The following TJP2 variants were observed in gnomAD, a reference collection of about 807,000 sequenced individuals.
TJP2 encodes the protein Friedreich ataxia region gene X104 (tight junction protein ZO-2).
Under a neutral mutation model 133.1 loss-of-function variants are expected in TJP2, and 91 were observed. The ratio of observed to expected loss-of-function variants is 0.68; its 90% CI spans 0.58 to 0.81. The LOEUF is 0.81. Ranked by LOEUF, TJP2 falls within the 40% of genes least tolerant of loss-of-function variation. The pLI is 0.00. For synonymous variants in TJP2, 592 were observed against 583.4 expected (o/e 1.01, Z -0.21); for missense variants, 1,541 against 1,565.6 (o/e 0.98, Z 0.26).
At chr9:69,135,588 G>A (rs536944518) in intron 1 of TJP2, among the ~76,000 whole-genome samples, 1 of 150,310 alleles carries the variant, frequency 6.7e-6, no homozygotes, top group South Asian at 2.1e-4. Flanking sequence ...TTACAGGCAT[G>A]CACCACCACA....
At chr9:69,162,566 C>T (rs1040572195) in intron 2 of TJP2, among the ~76,000 whole-genome samples, 1 of 152,188 alleles carries the variant, frequency 6.6e-6, no homozygotes, top group Non-Finnish European at 1.5e-5. Flanking sequence ...AGTATTTATT[C>T]AGCCAATTAT....
At chr9:69,178,288 G>A in intron 1 of TJP2, among the ~76,000 whole-genome samples, 1 of 152,178 alleles carries the variant, frequency 6.6e-6, no homozygotes, top group Non-Finnish European at 1.5e-5. Flanking sequence ...TATGATGCAT[G>A]AATATTATAT....
chr9:69,210,116 G>A (rs1179224925), intron 1 of TJP2, among the ~76,000 whole-genome samples: 1 of 151,666 alleles, frequency 6.6e-6, no homozygotes, highest in Admixed American at 6.6e-5. Context: ...GTGAAACCGT[G>A]TCTCTACCAA....
chr9:69,189,230 G>C (rs1285674110), intron 1 of TJP2, among the ~76,000 whole-genome samples: 2 of 152,160 alleles, frequency 1.3e-5, no homozygotes, highest in African/African-American at 4.8e-5. Flanking sequence ...CAGCCTGGAG[G>C]AGGAGGACAC....
intron 11 of TJP2, among the ~76,000 whole-genome samples, chr9:69,230,999 C>A (rs1829732063): frequency 6.6e-6 from 1 of 152,054 alleles, no homozygotes; most frequent in African/African-American, 2.4e-5. Context: ...CTCAACTTGA[C>A]ATTTGTGTAT....
chr9:69,145,378 A>G (rs937795744), intron 1 of TJP2, among the ~76,000 whole-genome samples: 3 of 152,378 alleles, frequency 2.0e-5, no homozygotes, highest in Admixed American at 6.5e-5. Context: ...TTGAAGGATT[A>G]GCGGCCTCAA....
At chr9:69,164,537 A>C (rs1183655759) in intron 2 of TJP2, among the ~76,000 whole-genome samples, 1 of 152,230 alleles carries the variant, frequency 6.6e-6, no homozygotes, top group Non-Finnish European at 1.5e-5. Flanking sequence ...ATTTGAATCA[A>C]GGATTCTCTC....
At chr9:69,249,185 G>C in intron 19 of TJP2, 190 bp from the exon 20 acceptor site, 2 of 985,400 alleles carry the variant, frequency 2.0e-6, no homozygotes, top group Non-Finnish European at 2.4e-6. Flanking sequence ...CTCTACATTG[G>C]ATGCAGCCAG....
intron 2 of TJP2, among the ~76,000 whole-genome samples, chr9:69,215,544 C>G (rs1563918880): frequency 6.6e-6 from 1 of 152,020 alleles, no homozygotes; most frequent in Non-Finnish European, 1.5e-5. Flanking sequence ...ACCACCATGA[C>G]CAGCTATTTT....
chr9:69,189,376 C>T (rs1172187270), intron 1 of TJP2, among the ~76,000 whole-genome samples: 1 of 151,994 alleles, frequency 6.6e-6, no homozygotes, highest in Non-Finnish European at 1.5e-5. Flanking sequence ...TCCCCAGGAC[C>T]CAGAATTGAT....
chr9:69,202,958 G>T (rs1371949427), intron 1 of TJP2, among the ~76,000 whole-genome samples: 1 of 152,190 alleles, frequency 6.6e-6, no homozygotes, highest in Non-Finnish European at 1.5e-5. Context: ...ACTGCTGCTA[G>T]AAACTATGAC....
intron 2 of TJP2, among the ~76,000 whole-genome samples, chr9:69,158,350 A>G (rs77096645): frequency 6.6e-6 from 1 of 150,548 alleles, no homozygotes; most frequent in Non-Finnish European, 1.5e-5. Context: ...AAAAAAAAAA[A>G]AAGCTGACCC....
At chr9:69,156,766 G>T (rs1823790072) in intron 2 of TJP2, among the ~76,000 whole-genome samples, 2 of 151,932 alleles carry the variant, frequency 1.3e-5, no homozygotes, top group African/African-American at 2.4e-5. Context: ...TGATCCGCCC[G>T]CCTCGGCCTC....
At chr9:69,195,565 G>A (rs1176079744) in intron 1 of TJP2, among the ~76,000 whole-genome samples, 1 of 152,168 alleles carries the variant, frequency 6.6e-6, no homozygotes, top group East Asian at 1.9e-4. Flanking sequence ...TGTGAAAAAA[G>A]CAGGAGTAGG....
At chr9:69,239,619 T>A (rs1385126199) in intron 16 of TJP2, among the ~76,000 whole-genome samples, 1 of 152,196 alleles carries the variant, frequency 6.6e-6, no homozygotes, top group Non-Finnish European at 1.5e-5. Context: ...GGGACCAGCC[T>A]GGCCAACATG....
intron 12 of TJP2, among the ~76,000 whole-genome samples, chr9:69,235,218 C>G (rs533330501): frequency 4.6e-5 from 7 of 152,160 alleles, no homozygotes; most frequent in Non-Finnish European, 1.0e-4. Context: ...TGGTGTAGTT[C>G]CAGTACCAAG....
intron 11 of TJP2, 121 bp from the exon 12 acceptor site, chr9:69,234,318 T>A: frequency 1.2e-6 from 1 of 814,074 alleles, no homozygotes; most frequent in East Asian, 2.6e-5. Flanking sequence ...GGACAGGCCC[T>A]GATGAAAACA....
chr9:69,203,790 T>G (rs1324428746), intron 1 of TJP2, among the ~76,000 whole-genome samples: 2 of 151,374 alleles, frequency 1.3e-5, no homozygotes, highest in East Asian at 3.9e-4. Context: ...ATTTTTCTAT[T>G]TTTAGTAGAG....
chr9:69,152,234 C>T (rs149030468), intron 2 of TJP2, among the ~76,000 whole-genome samples: 68 of 152,246 alleles, frequency 4.5e-4, no homozygotes, highest in African/African-American at 1.5e-3. Context: ...TAATTATGTC[C>T]AAGCTTTTAG....
Sources: gnomAD v4.1 joint callset for allele counts (sites outside exome capture counted in the v4.1 genomes callset) on GRCh38, gnomAD v4.1.1 for gene constraint, MANE v1.5 for transcripts, NCBI Gene and HGNC (gene_info 2026-07-23, HGNC 2026-07-21) for gene names.